BMERB1: variants seen among roughly 807,000 people sequenced by gnomAD.
BMERB1 encodes the protein bMERB domain containing 1.
Under a neutral mutation model 23.6 loss-of-function variants are expected in BMERB1, and 12 were observed. That is an observed-to-expected ratio of 0.51 (90% confidence interval 0.33 to 0.82). BMERB1 has a LOEUF of 0.82. Among genes scored for constraint, BMERB1 ranks in the 40% least tolerant of loss-of-function variants. The pLI is 0.03. For synonymous variants in BMERB1, 122 were observed against 96.6 expected (o/e 1.26, Z -1.54); for missense variants, 247 against 255.4 (o/e 0.97, Z 0.22).
intron 2 of BMERB1, among the ~76,000 whole-genome samples, chr16:15,549,368 A>T (rs1253499449): frequency 7.2e-6 from 1 of 139,688 alleles, no homozygotes; most frequent in Non-Finnish European, 1.5e-5. Flanking sequence ...AAAAAAAAAA[A>T]TGGAGTGATT....
At chr16:15,532,238 T>G (rs2051974702) in intron 2 of BMERB1, among the ~76,000 whole-genome samples, 1 of 150,136 alleles carries the variant, frequency 6.7e-6, no homozygotes, top group Non-Finnish European at 1.5e-5. Context: ...TTTGTTTTTT[T>G]TGTTTTTTTT....
At chr16:15,506,893 G>C (rs1402262476) in intron 1 of BMERB1, among the ~76,000 whole-genome samples, 1 of 152,160 alleles carries the variant, frequency 6.6e-6, no homozygotes, top group Non-Finnish European at 1.5e-5. Flanking sequence ...CGAGTAGCAG[G>C]ATCTAGACAG....
rs57267276 is a variant in BMERB1 at position 15,468,162 on chromosome 16, T to TTTTTTTTTTTC, written c.106+33404_106+33405insTTTTTTTTTCT. Among the ~76,000 whole-genome samples, 41 of 64,554 alleles carry TTTTTTTTTTTC rather than the reference T, an allele frequency of 6.4e-4. 8 individuals carry two copies. The highest frequency in any genetic ancestry group is 9.1e-4 in the Admixed American group (4 of 4,414). The allele number at this position is 64,554 out of a possible 152,430, so 42.3% of individuals were successfully genotyped here. ...TTTTTTTTTTTTTTTTTTTTTTTTT[T>TTTTTTTTTTTC]TGAGGCAGGGTCTCAGTCTGTCACC... On this transcript the variant is annotated intron_variant, in intron 1 of 5. Transcript: ENST00000300006.
chr16:15,545,563 T>TG (rs1282356944), intron 2 of BMERB1, among the ~76,000 whole-genome samples: 1 of 152,098 alleles, frequency 6.6e-6, no homozygotes, highest in Non-Finnish European at 1.5e-5. Flanking sequence ...TGAGTGGGGA[T>TG]GGGGGCTCAG....
intron 1 of BMERB1, among the ~76,000 whole-genome samples, chr16:15,468,499 A>G (rs1392285504): frequency 6.6e-6 from 1 of 151,970 alleles, no homozygotes; most frequent in Non-Finnish European, 1.5e-5. Flanking sequence ...ATAATTCCAA[A>G]AGGAAGGCAG....
At chr16:15,557,785 ACCTGTAAT>A (rs2030305801) in intron 2 of BMERB1, among the ~76,000 whole-genome samples, 1 of 152,166 alleles carries the variant, frequency 6.6e-6, no homozygotes, top group Non-Finnish European at 1.5e-5. Flanking sequence ...AGTGGCTCAC[ACCTGTAAT>A]CCCAACACTT....
At chr16:15,451,407 T>A (rs1211876054) in intron 1 of BMERB1, among the ~76,000 whole-genome samples, 2 of 152,018 alleles carry the variant, frequency 1.3e-5, no homozygotes, top group Non-Finnish European at 2.9e-5. Context: ...GGTCTCAAAC[T>A]CCTCACCTCA....
At chr16:15,488,669 TA>T (rs35263139) in intron 1 of BMERB1, among the ~76,000 whole-genome samples, 2,820 of 132,738 alleles carry the variant, frequency 0.021, 69 homozygotes, top group African/African-American at 0.068. Context: ...CCATCTCTAC[TA>T]AAAAAAAAAA....
chr16:15,568,730 C>T (rs904938785), intron 3 of BMERB1, among the ~76,000 whole-genome samples: 3 of 152,104 alleles, frequency 2.0e-5, no homozygotes, highest in African/African-American at 7.2e-5. Context: ...CCTCAAGAGT[C>T]CAGTAAATAT....
At chr16:15,556,792 G>T (rs933282399) in intron 2 of BMERB1, among the ~76,000 whole-genome samples, 1 of 152,074 alleles carries the variant, frequency 6.6e-6, no homozygotes, top group African/African-American at 2.4e-5. Flanking sequence ...CACCATGTTG[G>T]CCAGGCTGGT....
chr16:15,440,735 G>C (rs753127017), intron 1 of BMERB1, among the ~76,000 whole-genome samples: 16 of 152,156 alleles, frequency 1.1e-4, no homozygotes, highest in Non-Finnish European at 1.8e-4. Context: ...CAAGTGCCAG[G>C]AAGTGTTCTA....
rs185629317 is a variant in BMERB1, at chr16:15,570,189, C to T, written c.304+2133C>T. On this transcript the variant is annotated intron_variant, in intron 3 of 5. Coordinates refer to ENST00000300006, the MANE Select transcript of BMERB1 (RefSeq NM_033201.3). ...TGCTGTCAGTTCAATAACTATGTCCCAAGAGGCTGTTCTGCAGCAAGCTCT... is the reference window on the plus strand; with the variant it reads ...TGCTGTCAGTTCAATAACTATGTCCTAAGAGGCTGTTCTGCAGCAAGCTCT... Among the ~76,000 whole-genome samples the T allele has an allele frequency of 3.9e-5, 6 of 152,250 alleles. No homozygotes were observed. In the East Asian group the frequency reaches 9.6e-4, roughly 24 times the overall value.
At chr16:15,517,182 C>G (rs537167988) in intron 2 of BMERB1, among the ~76,000 whole-genome samples, 1 of 152,296 alleles carries the variant, frequency 6.6e-6, no homozygotes, top group South Asian at 2.1e-4. Context: ...CGTGAGCATT[C>G]AGAAACAATC....
chr16:15,489,556 AT>A (rs1347333986), intron 1 of BMERB1, among the ~76,000 whole-genome samples: 1 of 152,054 alleles, frequency 6.6e-6, no homozygotes, highest in Non-Finnish European at 1.5e-5. Context: ...CTTGATTGAA[AT>A]TTTGTTTGGG....
At chr16:15,471,308 A>G (rs1234125509) in intron 1 of BMERB1, among the ~76,000 whole-genome samples, 1 of 152,226 alleles carries the variant, frequency 6.6e-6, no homozygotes, top group East Asian at 1.9e-4. Context: ...GAAAGCTCAC[A>G]AAGAGAAATA....
Position 15,572,954 on chromosome 16 carries a change from G to A in BMERB1, c.304+4898G>A, listed in dbSNP as rs72770188. ...TTCTGTGCTGCCTGCTGCCAAGTAAGACGTGCCTTTTGCCTTCTGCCGTGA... is the reference window on the plus strand; with the variant it reads ...TTCTGTGCTGCCTGCTGCCAAGTAAAACGTGCCTTTTGCCTTCTGCCGTGA... On this transcript the variant is annotated intron_variant, in intron 3 of 5. Transcript: ENST00000300006. Among the ~76,000 whole-genome samples the A allele has an allele frequency of 7.9e-3, 1,206 of 152,324 alleles. 16 individuals are homozygous for A. Among genetic ancestry groups the A allele is most frequent in the Middle Eastern group, 0.051 (15 of 294 alleles).
At position 15,542,900 on chromosome 16, in the gene BMERB1, G is replaced by A. The variant is rs150650915; in HGVS notation, c.231-25083G>A. Among the ~76,000 whole-genome samples the A allele has an allele frequency of 1.6e-3, 236 of 152,190 alleles. 1 individual carries two copies. The highest frequency in any genetic ancestry group is 2.8e-3 in the Non-Finnish European group (193 of 68,018). On this transcript the variant is annotated intron_variant, in intron 2 of 5. Transcript: ENST00000300006. ...TTTTGGGCTCTGGTCCCATGGCAGC[G>A]TCTAGGGATGTGTTACAATTAATAC...
intron 1 of BMERB1, among the ~76,000 whole-genome samples, chr16:15,501,650 T>C (rs1001722708): frequency 6.6e-6 from 1 of 152,198 alleles, no homozygotes; most frequent in African/African-American, 2.4e-5. Context: ...AATTTTTGTA[T>C]TTTTAGGAAG....
At chr16:15,572,645 A>G (rs1460120920) in intron 3 of BMERB1, among the ~76,000 whole-genome samples, 3 of 152,192 alleles carry the variant, frequency 2.0e-5, no homozygotes, top group Non-Finnish European at 4.4e-5. Flanking sequence ...ACCAAAGTCT[A>G]TTCTCCACCC....
Sources: allele counts gnomAD v4.1 joint callset (sites outside exome capture counted in the v4.1 genomes callset), GRCh38; gene constraint gnomAD v4.1.1; transcripts MANE v1.5; gene names NCBI Gene and HGNC (gene_info 2026-07-23, HGNC 2026-07-21).